Variants in PSD3 observed in about 807,000 individuals in gnomAD.
PSD3 encodes PH and SEC7 domain-containing protein 3.
PSD3 carries 49 observed loss-of-function variants against 105.5 expected under a neutral mutation model. That is an observed-to-expected ratio of 0.46 (90% CI 0.37 to 0.59). The LOEUF (loss-of-function observed/expected upper bound fraction) is 0.59, where lower values mean the gene tolerates loss of function less well. Among genes scored for constraint, PSD3 ranks in the 20% least tolerant of loss-of-function variants. PSD3 has a pLI of 0.00. For synonymous variants in PSD3, 557 were observed against 457.8 expected (o/e 1.22, Z -2.77); for missense variants, 1,561 against 1,263.8 (o/e 1.24, Z -3.57).
chr8:18,563,338 A>G (rs1801518121), intron 14 of PSD3, among the ~76,000 whole-genome samples: 1 of 151,562 alleles, frequency 6.6e-6, no homozygotes, highest in South Asian at 2.1e-4. Context: ...TAGCTGAACA[A>G]ATAGATTTTT....
At chr8:18,578,925 A>G (rs10096849) in intron 12 of PSD3, among the ~76,000 whole-genome samples, 1 of 152,102 alleles carries the variant, frequency 6.6e-6, no homozygotes, top group Non-Finnish European at 1.5e-5. Context: ...TCAGTGGAAG[A>G]CAGGATCTAT....
chr8:18,882,855 ACACACACACGCACG>A (rs1818202304), intron 2 of PSD3, among the ~76,000 whole-genome samples: 1 of 152,010 alleles, frequency 6.6e-6, no homozygotes, highest in Non-Finnish European at 1.5e-5. Context: ...ATACACACAC[ACACACACACGCACG>A]CACACACACA....
chr8:18,979,457 AT>A (rs1825136868), intron 1 of PSD3, among the ~76,000 whole-genome samples: 1 of 152,210 alleles, frequency 6.6e-6, no homozygotes, highest in Non-Finnish European at 1.5e-5. Flanking sequence ...AGTATCTTTC[AT>A]TCCAAAACCA....
At chr8:19,001,245 C>T (rs893889970) in intron 1 of PSD3, among the ~76,000 whole-genome samples, 1 of 151,690 alleles carries the variant, frequency 6.6e-6, no homozygotes, top group Non-Finnish European at 1.5e-5. Context: ...CAGGCTCGCA[C>T]CATCACATCT....
At chr8:18,667,772 G>A (rs1189775915) in intron 9 of PSD3, among the ~76,000 whole-genome samples, 1 of 152,206 alleles carries the variant, frequency 6.6e-6, no homozygotes, top group East Asian at 1.9e-4. Context: ...AGGAGCCCAT[G>A]GCGGGGTGGG....
chr8:18,726,822 T>C (rs2129429345), intron 9 of PSD3, among the ~76,000 whole-genome samples: 1 of 152,342 alleles, frequency 6.6e-6, no homozygotes, highest in Middle Eastern at 3.4e-3. Context: ...TAACTTTAGA[T>C]AGTCTTAACT....
At chr8:18,796,124 A>T (rs1810154468) in intron 8 of PSD3, among the ~76,000 whole-genome samples, 1 of 152,116 alleles carries the variant, frequency 6.6e-6, no homozygotes. Context: ...TGCTAGGAAA[A>T]TGATATATCA....
intron 4 of PSD3, among the ~76,000 whole-genome samples, chr8:18,834,232 A>T (rs952220790): frequency 1.3e-5 from 2 of 152,226 alleles, no homozygotes; most frequent in African/African-American, 4.8e-5. Flanking sequence ...TCTAACCTAG[A>T]AACTAGCAGA....
intron 9 of PSD3, among the ~76,000 whole-genome samples, chr8:18,732,555 G>T (rs10089453): frequency 6.6e-6 from 1 of 152,154 alleles, no homozygotes; most frequent in African/African-American, 2.4e-5. Context: ...TGAGCATGGT[G>T]CCAGCTGCAA....
At chr8:18,822,356 C>T (rs4921965) in intron 4 of PSD3, among the ~76,000 whole-genome samples, 71,616 of 151,972 alleles carry the variant, frequency 0.47, 17,668 homozygotes, top group Middle Eastern at 0.61. Context: ...CATCACTTGA[C>T]AGCAGAACCA....
intron 1 of PSD3, among the ~76,000 whole-genome samples, chr8:18,975,666 T>C (rs1824906848): frequency 6.6e-6 from 1 of 152,268 alleles, no homozygotes; most frequent in South Asian, 2.1e-4. Context: ...CCATCAGTGT[T>C]GGGAAGGTTC....
intron 4 of PSD3, among the ~76,000 whole-genome samples, chr8:18,819,708 A>T (rs2638632): frequency 0.46 from 69,666 of 150,884 alleles, 16,465 homozygotes; most frequent in East Asian, 0.83. Flanking sequence ...CCTCCTGAGT[A>T]GCTAGGACTG....
chr8:19,075,471 C>A (rs575851982), intron 1 of PSD3, among the ~76,000 whole-genome samples: 56 of 152,296 alleles, frequency 3.7e-4, no homozygotes, highest in African/African-American at 1.3e-3. Flanking sequence ...TACATTGTTG[C>A]TATATTCTTT....
chr8:18,889,156 T>G (rs1320916165), intron 2 of PSD3, among the ~76,000 whole-genome samples: 2 of 152,218 alleles, frequency 1.3e-5, no homozygotes, highest in Admixed American at 6.5e-5. Flanking sequence ...CAGAAATAAA[T>G]TACTTACATG....
chr8:18,813,018 G>C (rs1384225562), intron 4 of PSD3, among the ~76,000 whole-genome samples: 1 of 152,132 alleles, frequency 6.6e-6, no homozygotes, highest in East Asian at 1.9e-4. Flanking sequence ...AGAAAAACCA[G>C]CTACAAAAGG....
chr8:18,687,654 T>C (rs1375200446), intron 9 of PSD3, among the ~76,000 whole-genome samples: 2 of 152,142 alleles, frequency 1.3e-5, no homozygotes, highest in Admixed American at 6.5e-5. Flanking sequence ...CTTCCAGAGA[T>C]AATAAGCCAT....
intron 2 of PSD3, among the ~76,000 whole-genome samples, chr8:18,879,908 T>C (rs1032176768): frequency 5.9e-5 from 9 of 152,206 alleles, no homozygotes; most frequent in African/African-American, 2.2e-4. Context: ...AAGACCATCA[T>C]TGCTAAGAGC....
At chr8:18,859,373 G>A (rs947037318) in intron 4 of PSD3, among the ~76,000 whole-genome samples, 4 of 152,044 alleles carry the variant, frequency 2.6e-5, no homozygotes, top group African/African-American at 9.7e-5. Flanking sequence ...GGATAATTCT[G>A]AAGGGCCGTA....
rs559599098 is a variant in PSD3 at position 18,737,503 on chromosome 8, A to G, written c.2172+27946T>C. ...ATTTTTGTAGAGATGGAGTGTTGCCATGTTGTCCAGGCTGGTTTCAAACTC... is the reference window on the plus strand; with the variant it reads ...ATTTTTGTAGAGATGGAGTGTTGCCGTGTTGTCCAGGCTGGTTTCAAACTC... On this transcript the variant is annotated intron_variant, in intron 9 of 15. Coordinates refer to ENST00000327040, the MANE Select transcript of PSD3 (RefSeq NM_015310.4). 7.3e-4 allele frequency among the ~76,000 whole-genome samples: 111 copies of G among 152,110 alleles called. 1 individual carries two copies. Among genetic ancestry groups the G allele is most frequent in the African/African-American group, 2.6e-3 (108 of 41,476 alleles).
Sources: gnomAD v4.1 joint callset for allele counts (sites outside exome capture counted in the v4.1 genomes callset) on GRCh38, gnomAD v4.1.1 for gene constraint, MANE v1.5 for transcripts, NCBI Gene and HGNC (gene_info 2026-07-23, HGNC 2026-07-21) for gene names.